DHX9: variants seen among roughly 807,000 people sequenced by gnomAD.
The protein encoded by DHX9 is ATP-dependent RNA helicase A.
In DHX9, 27 loss-of-function variants were observed where a neutral mutation model predicts 148.7. The ratio of observed to expected loss-of-function variants is 0.18; its 90% CI spans 0.13 to 0.25. The LOEUF is 0.25. DHX9 is among the 10% of genes least tolerant of loss of function. The pLI is 1.00. For missense variants in DHX9, 796 were observed against 1,559.6 expected, an observed-to-expected ratio of 0.51 and a Z score of 8.25; for synonymous variants, 529 against 516.6, an observed-to-expected ratio of 1.02 and a Z score of -0.33.
intron 18 of DHX9, 140 bp from the exon 19 acceptor site, chr1:182,876,690 G>A: frequency 1.1e-6 from 1 of 912,230 alleles, no homozygotes; most frequent in South Asian, 1.6e-5. Context: ...TTAGTAGATT[G>A]TTGTTCATTA....
rs527646835 is a variant in DHX9, at chr1:182,887,881, T to C, written c.*447T>C. On this transcript the variant is annotated 3_prime_UTR_variant, in exon 28 of 28. Transcript: ENST00000367549. ...GTATACTAAGTGATACTACTTGTAA[T>C]AGAATAAATCATCTTGGAATTGAAT... 5 of 166,416 alleles carry C rather than the reference T, an allele frequency of 3.0e-5. No individual in the cohort carries two copies. In the South Asian group the frequency reaches 5.8e-4, roughly 19 times the overall value. 10.3% of individuals were successfully genotyped at this position (166,416 alleles called of 1,614,324 possible).
intron 14 of DHX9, among the ~76,000 whole-genome samples, chr1:182,870,762 A>C (rs534074890): frequency 3.3e-5 from 5 of 152,256 alleles, no homozygotes; most frequent in Non-Finnish European, 5.9e-5. Flanking sequence ...CAAAAGAAAT[A>C]TGTAAGCCAC....
intron 6 of DHX9, among the ~76,000 whole-genome samples, chr1:182,856,123 A>T (rs992820909): frequency 1.3e-5 from 2 of 152,218 alleles, no homozygotes; most frequent in Non-Finnish European, 2.9e-5. Context: ...TGGGTGGCCT[A>T]TGCAAAGGAA....
chr1:182,875,950 A>G (rs756314870), intron 16 of DHX9, 100 bp from the exon 17 acceptor site: 5 of 889,724 alleles, frequency 5.6e-6, no homozygotes, highest in Admixed American at 2.5e-5. Context: ...TAGAATAAAT[A>G]ATGACATTAC....
In DHX9 at chr1:182,885,973, T is replaced by C. The variant is rs568900759; in HGVS notation, c.3462-1110T>C. Reference sequence around the variant, plus strand: ...CTATGAAGGATAACAGTCCGGAAACTAGAAAGAAAGGGATATATGCAAGAG... The same window carrying C: ...CTATGAAGGATAACAGTCCGGAAACCAGAAAGAAAGGGATATATGCAAGAG... On this transcript the variant is annotated intron_variant, in intron 27 of 27. Transcript: ENST00000367549. Among the ~76,000 whole-genome samples, 64 of 152,240 alleles carry C rather than the reference T, an allele frequency of 4.2e-4. No homozygotes were observed. The Middle Eastern group carries it at 0.027, about 65-fold the overall frequency.
intron 3 of DHX9, among the ~76,000 whole-genome samples, chr1:182,845,669 C>T (rs1479788607): frequency 6.6e-6 from 1 of 152,212 alleles, no homozygotes; most frequent in Non-Finnish European, 1.5e-5. Flanking sequence ...CCTTCAGACA[C>T]CACTTGCAAG....
intron 14 of DHX9, among the ~76,000 whole-genome samples, chr1:182,867,801 T>A (rs1368710418): frequency 6.6e-6 from 1 of 152,202 alleles, no homozygotes; most frequent in Non-Finnish European, 1.5e-5. Context: ...AAACTAGAAT[T>A]TATTTCCAAC....
chr1:182,859,900 A>C, intron 11 of DHX9, 93 bp from the exon 12 acceptor site: 8 of 1,280,256 alleles, frequency 6.2e-6, no homozygotes, highest in African/African-American at 1.5e-5. Context: ...CACCGCGCCC[A>C]GTCTATAGAG....
intron 13 of DHX9, 98 bp from the exon 14 acceptor site, chr1:182,866,863 A>T: frequency 2.1e-6 from 2 of 948,542 alleles, no homozygotes; most frequent in Non-Finnish European, 3.2e-6. Flanking sequence ...TTATTTTCTA[A>T]AATGATGCTG....
At chr1:182,851,355 A>G (rs1668145978) in intron 3 of DHX9, among the ~76,000 whole-genome samples, 1 of 152,210 alleles carries the variant, frequency 6.6e-6, no homozygotes, top group Non-Finnish European at 1.5e-5. Flanking sequence ...AATTATGATC[A>G]TAGACTATTT....
chr1:182,872,248 G>C lies in DHX9; in HGVS notation c.1558-89G>C, dbSNP rs1648580437. ...GTCATCTAAGAAACTGAATTTAATT[G>C]ATGTCTTATGGCTGTATAACTCTTT... On this transcript the variant is annotated intron_variant, in intron 14 of 27. Coordinates refer to ENST00000367549, the MANE Select transcript of DHX9 (RefSeq NM_001357.5). The C allele has an allele frequency of 3.8e-6, 4 of 1,048,970 alleles. No individual in the cohort carries two copies. The South Asian group carries it at 5.1e-5, about 13-fold the overall frequency. The allele number at this position is 1,048,970 out of a possible 1,614,324, so 65.0% of individuals were successfully genotyped here.
Position 182,879,351 on chromosome 1 carries a change from C to T in DHX9, c.2453C>T (p.Ala818Val). Residue 818 changes from alanine to valine, a missense_variant, in exon 21 of 28, where the codon GCC becomes GTC. Ala to Val is a moderately conservative substitution (Grantham distance 64). Around this residue, in one of 14 missense-constraint regions of DHX9, gnomAD observed 122 missense variants for 289.3 expected, o/e 0.42. Coordinates refer to ENST00000367549, the MANE Select transcript of DHX9 (RefSeq NM_001357.5). ...LRLGGIGQFLAKAIEPPPLDA... is the reference protein window; with the variant it reads ...LRLGGIGQFLVKAIEPPPLDA... Reference sequence around the variant, plus strand: ...CTAGGAGGAATTGGCCAATTTCTGGCCAAAGCAATTGAACCTCCCCCTTTG... The same window carrying T: ...CTAGGAGGAATTGGCCAATTTCTGGTCAAAGCAATTGAACCTCCCCCTTTG... 2 of 1,538,124 alleles carry T rather than the reference C, an allele frequency of 1.3e-6. No homozygotes were observed. Among genetic ancestry groups the T allele is most frequent in the South Asian group, 1.2e-5 (1 of 81,590 alleles).
chr1:182,880,691 C>T, intron 22 of DHX9, 83 bp downstream of exon 22: 1 of 870,708 alleles, frequency 1.1e-6, no homozygotes, highest in Non-Finnish European at 1.8e-6. Flanking sequence ...AGTATTGGCT[C>T]AGATAGACAA....
At chr1:182,868,505 C>A in intron 14 of DHX9, among the ~76,000 whole-genome samples, 1 of 141,580 alleles carries the variant, frequency 7.1e-6, no homozygotes, top group African/African-American at 3.0e-5. Context: ...GATAATCTAA[C>A]ACTTATTTTA....
At chr1:182,856,007 A>G (rs920777467) in intron 6 of DHX9, among the ~76,000 whole-genome samples, 1 of 152,238 alleles carries the variant, frequency 6.6e-6, no homozygotes, top group African/African-American at 2.4e-5. Flanking sequence ...GCTGCTTCCA[A>G]CTGCAGGCAG....
At chr1:182,844,080 T>A (rs1056137735) in intron 3 of DHX9, among the ~76,000 whole-genome samples, 11 of 152,098 alleles carry the variant, frequency 7.2e-5, no homozygotes, top group Non-Finnish European at 1.5e-5. Flanking sequence ...TCCGAGTAGC[T>A]GGGATTACAG....
chr1:182,852,480 A>C, intron 4 of DHX9, 136 bp downstream of exon 4: 1 of 542,494 alleles, frequency 1.8e-6, no homozygotes, highest in South Asian at 3.1e-5. Context: ...GCCTTCATAA[A>C]TTTGCACATA....
intron 7 of DHX9, among the ~76,000 whole-genome samples, chr1:182,857,351 A>G (rs958733887): frequency 2.6e-5 from 4 of 152,188 alleles, no homozygotes; most frequent in African/African-American, 9.6e-5. Context: ...GGAGGAGAGG[A>G]AACTTTCTGT....
chr1:182,870,190 A>G (rs1306403080), intron 14 of DHX9, among the ~76,000 whole-genome samples: 2 of 152,238 alleles, frequency 1.3e-5, no homozygotes, highest in African/African-American at 4.8e-5. Context: ...AACACTGAAA[A>G]AAGACCATGT....
Sources: allele counts gnomAD v4.1 joint callset (sites outside exome capture counted in the v4.1 genomes callset), GRCh38; gene constraint gnomAD v4.1.1; regional missense constraint gnomAD v4.1.1; transcripts MANE v1.5; gene names NCBI Gene and HGNC (gene_info 2026-07-23, HGNC 2026-07-21).